The following PRKAR1A variants were observed in gnomAD, a reference collection of about 807,000 sequenced individuals.
The protein encoded by PRKAR1A is cAMP-dependent protein kinase type I-alpha regulatory subunit.
Under a neutral mutation model 52.0 loss-of-function variants are expected in PRKAR1A, and 3 were observed. That is an observed-to-expected ratio of 0.06 (90% CI 0.03 to 0.15). The LOEUF is 0.15. Ranked by LOEUF, PRKAR1A falls within the 10% of genes least tolerant of loss-of-function variation. The probability of loss-of-function intolerance (pLI) is 1.00; values close to 1 mark genes in which losing one functional copy is unlikely to be tolerated. For missense variants in PRKAR1A, 240 were observed against 477.4 expected (o/e 0.50, Z 4.63); for synonymous variants, 188 against 168.4 (o/e 1.12, Z -0.90).
chr17:68,549,075 T>C (rs1007468193), intron 11 of PRKAR1A, among the ~76,000 whole-genome samples: 4 of 152,180 alleles, frequency 2.6e-5, no homozygotes, highest in African/African-American at 9.7e-5. Context: ...TGTATTAGGC[T>C]GTGAGTTATG....
downstream of PRKAR1A, chr17:68,537,768 A>C (rs1248290676): frequency 6.3e-7 from 1 of 1,596,938 alleles, no homozygotes; most frequent in African/African-American, 1.3e-5. This position sits in a 1 kb window ranked among gnomAD's most constrained non-coding sequence, Gnocchi z 4.2. Flanking sequence ...ACAGGAACCA[A>C]ATAAGCAAAT....
chr17:68,515,356 A>G (rs369300461), intron 1 of PRKAR1A, 38 bp from the exon 2 acceptor site: 48 of 1,607,658 alleles, frequency 3.0e-5, no homozygotes, highest in Non-Finnish European at 3.9e-5. Context: ...ATTTTGCTTT[A>G]TAGTTTATAC....
chr17:68,422,072 T>G, the PRKAR1A span: 1 of 484,864 alleles, frequency 2.1e-6, no homozygotes, highest in Non-Finnish European at 3.7e-6. Context: ...TTTATATGTA[T>G]ATGTATATAT....
chr17:68,524,462 A>G (rs2085719206), intron 5 of PRKAR1A, among the ~76,000 whole-genome samples: 1 of 152,160 alleles, frequency 6.6e-6, no homozygotes, highest in Non-Finnish European at 1.5e-5. Flanking sequence ...AAAAGGTTCT[A>G]GGACTTCTAT....
chr17:68,531,487 A>G lies in PRKAR1A; in HGVS notation c.*1038A>G. ...GAGAAATGCCAGGCGGACAAAGTTCAGTGTCGGGAATTTTCCCCGTGACAT... is the reference window on the plus strand; with the variant it reads ...GAGAAATGCCAGGCGGACAAAGTTCGGTGTCGGGAATTTTCCCCGTGACAT... On this transcript the variant is annotated 3_prime_UTR_variant, in exon 11 of 11. Transcript: ENST00000589228. 1 of 1,066,316 alleles carries G rather than the reference A, an allele frequency of 9.4e-7. No homozygotes were observed. Among genetic ancestry groups the G allele is most frequent in the East Asian group, 5.0e-5 (1 of 20,178 alleles). The allele number at this position is 1,066,316 out of a possible 1,614,324, so 66.1% of individuals were successfully genotyped here.
rs987193719 is a variant in PRKAR1A, at chr17:68,529,003, A to G, written c.891+12A>G. On this transcript the variant is annotated intron_variant, in intron 9 of 10. Coordinates refer to ENST00000589228, the MANE Select transcript of PRKAR1A (RefSeq NM_002734.5). ...TCATTATTTTAGAGGTAAAGAACTCAGAATTTAATACTTGAATTTTAGAGG... is the reference window on the plus strand; with the variant it reads ...TCATTATTTTAGAGGTAAAGAACTCGGAATTTAATACTTGAATTTTAGAGG... The G allele has an allele frequency of 6.2e-7, 1 of 1,613,598 alleles. No individual in the cohort carries two copies. Among genetic ancestry groups the G allele is most frequent in the Non-Finnish European group, 8.5e-7 (1 of 1,179,666 alleles).
chr17:68,486,388 CTT>C, the PRKAR1A span, among the ~76,000 whole-genome samples: 5 of 1,056 alleles, frequency 4.7e-3, no homozygotes, highest in African/African-American at 0.036. Flanking sequence ...CTTTCTTTCT[CTT>C]TCTTTCTTTC....
the PRKAR1A span, among the ~76,000 whole-genome samples, chr17:68,457,683 T>C: frequency 3.3e-5 from 5 of 151,620 alleles, no homozygotes; most frequent in African/African-American, 1.2e-4. Context: ...GGCCCCTGCC[T>C]CCGGCCACCA....
the PRKAR1A span, among the ~76,000 whole-genome samples, chr17:68,473,195 C>T: frequency 6.6e-6 from 1 of 152,098 alleles, no homozygotes; most frequent in African/African-American, 2.4e-5. Flanking sequence ...CCACAAGTTA[C>T]AGGAGGTGAC....
At chr17:68,447,984 CAAAAAAAAAAA>C in the PRKAR1A span, among the ~76,000 whole-genome samples, 1,458 of 80,284 alleles carry the variant, frequency 0.018, 31 homozygotes, top group African/African-American at 0.064. Context: ...GACTCTATCT[CAAAAAAAAAAA>C]AAAAAAAAAA....
At chr17:68,511,202 G>A (rs1046663217), upstream of PRKAR1A, among the ~76,000 whole-genome samples, 8 of 152,016 alleles carry the variant, frequency 5.3e-5, no homozygotes, top group African/African-American at 1.9e-4. Context: ...TTGCTTTTTT[G>A]TATTGTGTTG....
chr17:68,426,254 G>GGGGGGGGGGGGGGGGCCCCCCC, the PRKAR1A span: 1 of 816,920 alleles, frequency 1.2e-6, no homozygotes, highest in Non-Finnish European at 1.9e-6. Context: ...GGGAGCGGGG[G>GGGGGGGGGGGGGGGGCCCCCCC]CTCAAATAAA....
the PRKAR1A span, among the ~76,000 whole-genome samples, chr17:68,437,848 GA>G: frequency 6.7e-6 from 1 of 148,848 alleles, no homozygotes; most frequent in Non-Finnish European, 1.5e-5. Flanking sequence ...CAATGGTTTA[GA>G]TGAATAGAGG....
the PRKAR1A span, among the ~76,000 whole-genome samples, chr17:68,417,733 A>ATT: frequency 0.044 from 2,642 of 60,696 alleles, 770 homozygotes; most frequent in Non-Finnish European, 0.047. Flanking sequence ...GAGTTGCTGA[A>ATT]TTTTTTTTTT....
the PRKAR1A span, chr17:68,428,158 A>G: frequency 6.6e-6 from 1 of 152,124 alleles, no homozygotes; most frequent in African/African-American, 2.4e-5. Flanking sequence ...TTGGCCTCCC[A>G]AAGTATTGGG....
the PRKAR1A span, among the ~76,000 whole-genome samples, chr17:68,423,068 C>T: frequency 9.9e-5 from 15 of 152,150 alleles, no homozygotes; most frequent in Non-Finnish European, 2.1e-4. This position sits in a 1 kb window ranked among gnomAD's most constrained non-coding sequence, Gnocchi z 4.4. Context: ...GCTCCTGTAG[C>T]AGACTACTCA....
the PRKAR1A span, among the ~76,000 whole-genome samples, chr17:68,504,617 T>C: frequency 6.6e-6 from 1 of 152,196 alleles, no homozygotes; most frequent in Non-Finnish European, 1.5e-5. Flanking sequence ...TCTCACTTAT[T>C]TGTGGGAGCT....
chr17:68,444,969 G>C, the PRKAR1A span, among the ~76,000 whole-genome samples: 38,546 of 141,962 alleles, frequency 0.27, 5,273 homozygotes, highest in Admixed American at 0.32. Context: ...CACCCAGACT[G>C]GAGTGCAGTG....
chr17:68,543,571 C>A (rs781637248), intron 11 of PRKAR1A: 1 of 1,480,956 alleles, frequency 6.8e-7, no homozygotes, highest in Non-Finnish European at 9.4e-7. Flanking sequence ...TGTCTAGCCA[C>A]CCCTCCCAGA....
Sources: allele counts gnomAD v4.1 joint callset (sites outside exome capture counted in the v4.1 genomes callset), GRCh38; gene constraint gnomAD v4.1.1; non-coding constraint Gnocchi (gnomAD v3.1); transcripts MANE v1.5; gene names NCBI Gene and HGNC (gene_info 2026-07-23, HGNC 2026-07-21).